Variants in YIF1B observed in about 807,000 individuals in gnomAD.
YIF1B encodes Yip1 interacting factor homolog B, membrane trafficking protein.
In YIF1B, 24 loss-of-function variants were observed where a neutral mutation model predicts 34.6. That is an observed-to-expected ratio of 0.69 (90% CI 0.50 to 0.98). YIF1B has a LOEUF of 0.98. Ranked by LOEUF, YIF1B falls within the 50% of genes least tolerant of loss-of-function variation. The pLI is 0.00. For missense variants in YIF1B, 368 were observed against 429.4 expected, an observed-to-expected ratio of 0.86 and a Z score of 1.26; for synonymous variants, 186 against 184.8, an observed-to-expected ratio of 1.01 and a Z score of -0.05.
At chr19:38,308,914 C>T in intron 4 of YIF1B, 65 bp from the exon 5 acceptor site, 1 of 1,613,416 alleles carries the variant, frequency 6.2e-7, no homozygotes, top group South Asian at 1.1e-5. Flanking sequence ...CTCCAGGCAC[C>T]CACACACCCG....
chr19:38,319,009 C>T (rs1245702865), upstream of YIF1B, among the ~76,000 whole-genome samples: 1 of 152,148 alleles, frequency 6.6e-6, no homozygotes, highest in Non-Finnish European at 1.5e-5. Context: ...CCTCCCTAGG[C>T]AGGGGTGGTT....
At chr19:38,306,290 C>T (rs1234379371) in intron 7 of YIF1B, among the ~76,000 whole-genome samples, 28 of 151,530 alleles carry the variant, frequency 1.8e-4, no homozygotes, top group Admixed American at 1.8e-3. Context: ...CAGCTTACTG[C>T]AGCCTCAACC....
rs571949379 is a variant in YIF1B, at chr19:38,310,115, T to C, written c.59-472A>G. Among the ~76,000 whole-genome samples, 3 of 142,870 alleles carry C rather than the reference T, an allele frequency of 2.1e-5. No individual in the cohort carries two copies. In the East Asian group the frequency reaches 6.7e-4, roughly 32 times the overall value. 93.7% of individuals were successfully genotyped at this position (142,870 alleles called of 152,430 possible). On this transcript the variant is annotated intron_variant, in intron 1 of 7. Transcript: ENST00000339413. ...TCCCACCCATCAATCCATCCATTCA[T>C]CCATCCACCCACCCATCTATCCATC...
At chr19:38,309,766 C>T (rs1969236138) in intron 1 of YIF1B, 123 bp from the exon 2 acceptor site, 1 of 1,445,782 alleles carries the variant, frequency 6.9e-7, no homozygotes, top group Non-Finnish European at 9.1e-7. Context: ...CCATTAGAGA[C>T]ACTGGCTTTG....
In YIF1B at chr19:38,307,233, TCCTCTTCCAGGGCTCAGGATACCC is replaced by T. The variant is rs1408436517; in HGVS notation, c.789+171_789+194del. 4 of 614,536 alleles carry T rather than the reference TCCTCTTCCAGGGCTCAGGATACCC, an allele frequency of 6.5e-6. No homozygotes were observed. The South Asian group carries it at 7.8e-5, about 12-fold the overall frequency. The allele number at this position is 614,536 out of a possible 1,614,324, so 38.1% of individuals were successfully genotyped here. A position where few individuals can be genotyped will look rare whatever the true frequency, so the allele number is the denominator to read the frequency against. ...AGCCTCTAGCAGCCTGGCTGGTGTC[TCCTCTTCCAGGGCTCAGGATACCC>T]CCTCTTCCAGGAAGCCCTCCTGACC... On this transcript the variant is annotated intron_variant, in intron 7 of 7. Transcript: ENST00000339413.
chr19:38,304,996 T>G lies in YIF1B; in HGVS notation c.*356A>C. The G allele has an allele frequency of 1.3e-6, 2 of 1,567,504 alleles. No homozygotes were observed. Among genetic ancestry groups the G allele is most frequent in the Non-Finnish European group, 1.7e-6 (2 of 1,156,530 alleles). ...CTGGACAGGGCTCATTAAACCTTCC[T>G]CTCTGCCTTCTGCGACTGGTCAGCG... On this transcript the variant is annotated 3_prime_UTR_variant, in exon 8 of 8. Transcript: ENST00000339413.
At chr19:38,320,362 C>A, upstream of YIF1B, 1 of 1,361,264 alleles carries the variant, frequency 7.3e-7, no homozygotes, top group Admixed American at 2.1e-5. Flanking sequence ...TCACGAATAC[C>A]CTTATCCCAA....
upstream of YIF1B, among the ~76,000 whole-genome samples, chr19:38,318,419 G>A (rs1463925153): frequency 6.6e-6 from 1 of 152,028 alleles, no homozygotes; most frequent in African/African-American, 2.4e-5. Context: ...GAGTAGCTGG[G>A]ACTACAGACG....
Position 38,309,006 on chromosome 19 carries a change from C to CG in YIF1B, c.453dup (p.Val152ArgfsTer29). On this transcript the variant is annotated frameshift_variant, in exon 4 of 8. Transcript: ENST00000339413. LOFTEE classifies it high-confidence loss of function. Reference sequence around the variant, plus strand: ...GGAATGTAGAGGTCCGGGGCATTGACGTCAAAGCGGGGGGCCACCGGGGTG... The same window carrying CG: ...GGAATGTAGAGGTCCGGGGCATTGACGGTCAAAGCGGGGGGCCACCGGGGTG... The CG allele has an allele frequency of 6.3e-7, 1 of 1,579,160 alleles. No individual in the cohort carries two copies. Among genetic ancestry groups the CG allele is most frequent in the Non-Finnish European group, 8.6e-7 (1 of 1,160,930 alleles).
Position 38,309,413 on chromosome 19 carries a change from C to T in YIF1B, c.289G>A (p.Asp97Asn), listed in dbSNP as rs2146304082. 6.2e-7 allele frequency: 1 copy of T among 1,612,864 alleles called. No homozygotes were observed. The highest frequency in any genetic ancestry group is 8.5e-7 in the Non-Finnish European group (1 of 1,179,140). Residue 97 changes from aspartate to asparagine, a missense_variant, in exon 2 of 8, where the codon GAT becomes AAT. Around this residue, in one of 3 missense-constraint regions of YIF1B, gnomAD observed 153 missense variants for 156.7 expected, o/e 0.98. Coordinates refer to ENST00000339413, the MANE Select transcript of YIF1B (RefSeq NM_001039672.3). ...SLAAQGKELV[D>N]KNIDRFIPIT... is the part of the protein sequence containing the mutation. ...CAGCCCCGCCCACTCACGTTCTTATCCACCAGCTCCTTGCCCTGCGCGGCC... is the reference window on the plus strand; with the variant it reads ...CAGCCCCGCCCACTCACGTTCTTATTCACCAGCTCCTTGCCCTGCGCGGCC...
chr19:38,303,631 T>C lies in YIF1B; in HGVS notation c.*1721A>G, dbSNP rs1166321715. On this transcript the variant is annotated 3_prime_UTR_variant, in exon 8 of 8. Coordinates refer to ENST00000339413, the MANE Select transcript of YIF1B (RefSeq NM_001039672.3). Reference sequence around the variant, plus strand: ...TATCAGTACTTCATGCCAGACACCATTCTAGGAAATTAACTCCTCTGACTT... The same window carrying C: ...TATCAGTACTTCATGCCAGACACCACTCTAGGAAATTAACTCCTCTGACTT... Among the ~76,000 whole-genome samples, 3 of 152,196 alleles carry C rather than the reference T, an allele frequency of 2.0e-5. No homozygotes were observed. The highest frequency in any genetic ancestry group is 4.4e-5 in the Non-Finnish European group (3 of 68,028).
At chr19:38,320,418 C>A, upstream of YIF1B, 1 of 859,938 alleles carries the variant, frequency 1.2e-6, no homozygotes, top group Non-Finnish European at 1.7e-6. Flanking sequence ...AGTGAGGACC[C>A]GGGACCCAGG....
rs1568350802 is a variant in YIF1B, at chr19:38,304,940, C to T, written c.*412G>A. On this transcript the variant is annotated 3_prime_UTR_variant, in exon 8 of 8. Coordinates refer to ENST00000339413, the MANE Select transcript of YIF1B (RefSeq NM_001039672.3). The stretch of plus-strand genomic sequence containing the variant: ...AGGAGAAGGGCAAGAAGGAGAAGGG[C>T]AAGAAGAAGGAGGCTCCCCACTGAA... 1 of 1,610,676 alleles carries T rather than the reference C, an allele frequency of 6.2e-7. No individual in the cohort carries two copies. The highest frequency in any genetic ancestry group is 8.5e-7 in the Non-Finnish European group (1 of 1,178,926).
upstream of YIF1B, among the ~76,000 whole-genome samples, chr19:38,318,184 C>G (rs1175386753): frequency 9.9e-6 from 1 of 101,346 alleles, no homozygotes; most frequent in East Asian, 3.2e-4. Flanking sequence ...CAGAGCGAGA[C>G]TCTTGTCTCA....
intron 1 of YIF1B, chr19:38,309,979 T>TCCATCTAC (rs1555720737): frequency 4.9e-6 from 2 of 407,858 alleles, no homozygotes; most frequent in Admixed American, 4.8e-5. Context: ...CATCCATTCA[T>TCCATCTAC]CCATCCATCC....
chr19:38,308,029 C>T (rs1231823528), intron 5 of YIF1B, among the ~76,000 whole-genome samples: 2 of 152,192 alleles, frequency 1.3e-5, no homozygotes, highest in East Asian at 1.9e-4. Flanking sequence ...GAGGGGACAC[C>T]GAGCTGAAGC....
chr19:38,318,597 T>C (rs1319842056), upstream of YIF1B, among the ~76,000 whole-genome samples: 1 of 152,216 alleles, frequency 6.6e-6, no homozygotes, highest in East Asian at 1.9e-4. Context: ...AGTTCAGGTG[T>C]CCACAGGGCC....
chr19:38,312,897 G>A (rs1969379362), intron 1 of YIF1B, among the ~76,000 whole-genome samples: 1 of 152,038 alleles, frequency 6.6e-6, no homozygotes, highest in Non-Finnish European at 1.5e-5. Flanking sequence ...TCCAAGGCAA[G>A]CAGCACTGGC....
At chr19:38,318,226 T>C (rs1448246150), upstream of YIF1B, among the ~76,000 whole-genome samples, 1 of 123,944 alleles carries the variant, frequency 8.1e-6, no homozygotes, top group African/African-American at 2.7e-5. Context: ...AAAAAGCAAG[T>C]TCATTAGTTC....
Sources: allele counts gnomAD v4.1 joint callset (sites outside exome capture counted in the v4.1 genomes callset), GRCh38; gene constraint gnomAD v4.1.1; regional missense constraint gnomAD v4.1.1; transcripts MANE v1.5; gene names NCBI Gene and HGNC (gene_info 2026-07-23, HGNC 2026-07-21).